METTL15: variants seen among roughly 807,000 people sequenced by gnomAD.
The protein encoded by METTL15 is 12S rRNA N(4)-cytidine methyltransferase METTL15.
A neutral mutation model predicts 38.3 loss-of-function variants in METTL15; 34 were observed. The observed-to-expected ratio is 0.89, with a 90% CI of 0.68 to 1.18. METTL15 has a LOEUF of 1.18. Among genes scored for constraint, METTL15 ranks in the 50% most tolerant of loss-of-function variants. METTL15 has a pLI of 0.00. For missense variants in METTL15, 438 were observed against 498.4 expected (o/e 0.88, Z 1.15); for synonymous variants, 162 against 170.9 (o/e 0.95, Z 0.41).
chr11:28,322,740 A>G (rs1849512406), intron 6 of METTL15, among the ~76,000 whole-genome samples: 1 of 152,128 alleles, frequency 6.6e-6, no homozygotes, highest in Non-Finnish European at 1.5e-5. Flanking sequence ...TCTGCTATGT[A>G]GGATTATAAA....
intron 3 of METTL15, among the ~76,000 whole-genome samples, chr11:28,156,667 T>G (rs1431451809): frequency 6.6e-6 from 1 of 152,216 alleles, no homozygotes; most frequent in Admixed American, 6.5e-5. Context: ...GGTTAATTTT[T>G]TAAATGATAC....
chr11:28,516,219 T>C (rs970733704), intron 6 of METTL15, among the ~76,000 whole-genome samples: 6 of 152,210 alleles, frequency 3.9e-5, no homozygotes, highest in African/African-American at 1.2e-4. Flanking sequence ...GAAAGGAATC[T>C]GGTTCTTGGT....
intron 2 of METTL15, among the ~76,000 whole-genome samples, chr11:28,112,653 A>G (rs535457069): frequency 3.9e-5 from 6 of 152,204 alleles, no homozygotes; most frequent in Non-Finnish European, 7.4e-5. Flanking sequence ...AAAGGTAGAC[A>G]TGAAATACCG....
intron 4 of METTL15, among the ~76,000 whole-genome samples, chr11:28,223,912 G>GT (rs1289096032): frequency 6.6e-6 from 1 of 151,912 alleles, no homozygotes; most frequent in Non-Finnish European, 1.5e-5. Flanking sequence ...AAAAATCAAA[G>GT]TTTTTTATCT....
At chr11:28,218,083 T>A (rs558676861) in intron 4 of METTL15, among the ~76,000 whole-genome samples, 7 of 152,188 alleles carry the variant, frequency 4.6e-5, no homozygotes, top group African/African-American at 1.4e-4. Context: ...AGTTTTTTCC[T>A]ATTCCGAGAA....
chr11:28,245,942 A>G (rs557573668), intron 4 of METTL15, among the ~76,000 whole-genome samples: 334 of 152,316 alleles, frequency 2.2e-3, no homozygotes, highest in Non-Finnish European at 3.5e-3. Context: ...CTCCCCTTAC[A>G]CATGGGAATT....
chr11:28,175,565 C>G (rs146667704), intron 3 of METTL15, among the ~76,000 whole-genome samples: 1 of 152,304 alleles, frequency 6.6e-6, no homozygotes, highest in Non-Finnish European at 1.5e-5. Context: ...TGAATTCTTA[C>G]AGGCATCAGT....
rs180879257 is a variant in METTL15 at position 28,443,372 on chromosome 11, A to G, written c.*424+19008A>G. On this transcript the variant is annotated intron_variant and NMD_transcript_variant, in intron 6 of 7. Transcript: ENST00000532947. ...CCTATCTTTCCACCTCTAATTGAACAGGGTCAGCAGTTGGCCCTCTTCTGT... is the reference window on the plus strand; with the variant it reads ...CCTATCTTTCCACCTCTAATTGAACGGGGTCAGCAGTTGGCCCTCTTCTGT... Among the ~76,000 whole-genome samples the G allele has an allele frequency of 3.0e-3, 451 of 152,238 alleles. 7 individuals carry two copies. Among genetic ancestry groups the G allele is most frequent in the African/African-American group, 0.011 (436 of 41,508 alleles).
chr11:28,530,120 C>A (rs2133520944), downstream of METTL15, among the ~76,000 whole-genome samples: 1 of 152,188 alleles, frequency 6.6e-6, no homozygotes, highest in South Asian at 2.1e-4. Context: ...GAAATGCTAT[C>A]ATTAAGAAGG....
chr11:28,247,623 C>T (rs959810520), intron 4 of METTL15, among the ~76,000 whole-genome samples: 2 of 152,034 alleles, frequency 1.3e-5, no homozygotes, highest in African/African-American at 2.4e-5. Flanking sequence ...TAAGATTGAT[C>T]GGTAATTTAA....
chr11:28,159,922 T>C (rs139177033), intron 3 of METTL15, among the ~76,000 whole-genome samples: 9 of 152,276 alleles, frequency 5.9e-5, no homozygotes, highest in Non-Finnish European at 1.2e-4. Context: ...TTGATTGGAT[T>C]GAAGGATACA....
intron 4 of METTL15, chr11:28,287,155 A>AGT (rs1555024692): frequency 4.0e-5 from 3 of 74,440 alleles, no homozygotes; most frequent in East Asian, 3.9e-4. Context: ...AGAGAGAGAC[A>AGT]ATGTGTGTGT....
intron 3 of METTL15, among the ~76,000 whole-genome samples, chr11:28,194,190 C>T (rs1036043141): frequency 0.023 from 487 of 21,244 alleles, no homozygotes; most frequent in Non-Finnish European, 0.029. Context: ...CTCTCTCTCT[C>T]TCCTCTCTCT....
intron 6 of METTL15, among the ~76,000 whole-genome samples, chr11:28,323,825 C>G (rs1027628757): frequency 6.6e-6 from 1 of 152,106 alleles, no homozygotes; most frequent in African/African-American, 2.4e-5. Flanking sequence ...TAAAATACAC[C>G]ACCATCAACA....
intron 4 of METTL15, among the ~76,000 whole-genome samples, chr11:28,234,625 G>T (rs1313948062): frequency 3.4e-5 from 5 of 147,522 alleles, no homozygotes; most frequent in Non-Finnish European, 3.0e-5. Context: ...GTCTGTTCAT[G>T]TCCTTCACCC....
intron 5 of METTL15, among the ~76,000 whole-genome samples, chr11:28,389,477 C>T (rs1357769566): frequency 2.1e-5 from 3 of 146,226 alleles, no homozygotes; most frequent in African/African-American, 5.1e-5. Flanking sequence ...TGAGAACATG[C>T]GGTGTTTGAT....
At chr11:28,163,518 T>G (rs955591034) in intron 3 of METTL15, 22 of 397,754 alleles carry the variant, frequency 5.5e-5, no homozygotes, top group Non-Finnish European at 8.0e-5. Flanking sequence ...ATAAGATGCT[T>G]CTTCTTACTG....
Position 28,330,533 on chromosome 11 carries a change from G to C in METTL15, c.916G>C (p.Ala306Pro), listed in dbSNP as rs1339967947. Residue 306 changes from alanine (A) to proline (P), a missense_variant, in exon 7 of 7, where the codon GCT becomes CCT. Ala to Pro is a conservative substitution (Grantham distance 27, BLOSUM62 -1). Coordinates refer to ENST00000407364, the MANE Select transcript of METTL15 (RefSeq NM_001113528.2). ...LNELYTGLKTAQKFLRPGGRL... is the reference protein window; with the variant it reads ...LNELYTGLKTPQKFLRPGGRL... ...TGAACTCTACACGGGACTGAAGACA[G>C]CTCAGAAGTTTCTGAGACCTGGTGG... 6.4e-7 allele frequency: 1 copy of C among 1,551,540 alleles called. No homozygotes were observed. Among genetic ancestry groups the C allele is most frequent in the African/African-American group, 1.4e-5 (1 of 73,010 alleles).
intron 5 of METTL15, among the ~76,000 whole-genome samples, chr11:28,377,391 C>T (rs879439915): frequency 5.3e-5 from 8 of 152,072 alleles, no homozygotes; most frequent in Admixed American, 2.6e-4. Flanking sequence ...CTTTCCTTCT[C>T]GCTTCATTTC....
Sources: allele counts gnomAD v4.1 joint callset (sites outside exome capture counted in the v4.1 genomes callset), GRCh38; gene constraint gnomAD v4.1.1; transcripts MANE v1.5; gene names NCBI Gene and HGNC (gene_info 2026-07-23, HGNC 2026-07-21).